The following KIF5A variants were observed in gnomAD, a reference collection of about 807,000 sequenced individuals.
KIF5A encodes kinesin family member 5A.
In KIF5A, 35 loss-of-function variants were observed where a neutral mutation model predicts 141.3. The observed-to-expected ratio is 0.25, with a 90% confidence interval of 0.19 to 0.33. The LOEUF is 0.33. KIF5A is among the 10% of genes least tolerant of loss of function. The pLI is 1.00. For synonymous variants in KIF5A, 448 were observed against 500.2 expected, an observed-to-expected ratio of 0.90 and a Z score of 1.39; for missense variants, 861 against 1,314.3, an observed-to-expected ratio of 0.66 and a Z score of 5.33.
At chr12:57,553,128 C>T (rs967032913) in intron 1 of KIF5A, among the ~76,000 whole-genome samples, 5 of 152,058 alleles carry the variant, frequency 3.3e-5, no homozygotes, top group Non-Finnish European at 5.9e-5. Context: ...GTGACTTTTT[C>T]GCCAGACCCA....
rs1882479489 is a variant in KIF5A at position 57,578,036 on chromosome 12, C to T, written c.2389C>T (p.Leu797Phe). The T allele has an allele frequency of 1.9e-6, 3 of 1,614,208 alleles. No homozygotes were observed. The highest frequency in any genetic ancestry group is 2.5e-6 in the Non-Finnish European group (3 of 1,180,006). ...VARELQTLHN[L>F]RKLFVQDVTT... The stretch of plus-strand genomic sequence containing the variant: ...CCGGGAACTCCAGACCCTCCACAAC[C>T]TTCGCAAGCTGTTCGTTCAAGACGT... The change falls in exon 22 of 29, where the codon CTT (leucine) becomes TTT (phenylalanine). Residue 797 changes from leucine (L) to phenylalanine (F), a missense_variant. Physicochemically the swap from Leu to Phe is conservative, Grantham distance 22. Coordinates refer to ENST00000455537, the MANE Select transcript of KIF5A (RefSeq NM_004984.4).
intron 28 of KIF5A, among the ~76,000 whole-genome samples, chr12:57,583,730 A>G (rs1882676352): frequency 6.6e-6 from 1 of 152,030 alleles, no homozygotes; most frequent in Non-Finnish European, 1.5e-5. Context: ...GCTTTAGGAA[A>G]CGCCCCACGA....
intron 8 of KIF5A, 40 bp downstream of exon 8, chr12:57,567,658 GCT>G: frequency 1.3e-6 from 2 of 1,545,536 alleles, no homozygotes; most frequent in East Asian, 2.3e-5. Flanking sequence ...GGAAGCCTTG[GCT>G]CTTTTTTTTT....
At chr12:57,582,815 C>A in intron 27 of KIF5A, 186 bp downstream of exon 27, 1 of 658,296 alleles carries the variant, frequency 1.5e-6, no homozygotes, top group Non-Finnish European at 2.7e-6. Flanking sequence ...CAGAATATCT[C>A]CCCTCCTCCA....
chr12:57,584,231 C>A lies in KIF5A; in HGVS notation c.*50C>A, dbSNP rs773703870. ...TTTCTTTCCCAGTTTCTAAGAGGGA[C>A]TGAGGCCTCTTCTCAGCATGCTGCA... On this transcript the variant is annotated 3_prime_UTR_variant, in exon 29 of 29. Transcript: ENST00000455537. 6.6e-6 allele frequency: 1 copy of A among 152,636 alleles called. No homozygotes were observed. Among genetic ancestry groups the A allele is most frequent in the Non-Finnish European group, 1.5e-5 (1 of 68,056 alleles). 9.5% of individuals were successfully genotyped at this position (152,636 alleles called of 1,614,324 possible).
At chr12:57,563,100 G>A (rs1286565712) in intron 1 of KIF5A, among the ~76,000 whole-genome samples, 1 of 151,140 alleles carries the variant, frequency 6.6e-6, no homozygotes, top group Non-Finnish European at 1.5e-5. Flanking sequence ...TCTGCCTCTC[G>A]GGTTCAAGCG....
rs1468981472 is a variant in KIF5A at position 57,569,554 on chromosome 12, A to T, written c.988A>T (p.Thr330Ser). The change falls in exon 11 of 29, where the codon ACT becomes TCT. Residue 330 changes from threonine to serine, a missense_variant. By Grantham distance (58) the Thr-to-Ser change is moderately conservative. Transcript: ENST00000455537. ...FGQRAKTIKN[T>S]ASVNLELTAE... Reference sequence around the variant, plus strand: ...ACCCAGGGCAAAGACCATTAAGAACACTGCCTCAGTAAATTTGGAGTTGAC... The same window carrying T: ...ACCCAGGGCAAAGACCATTAAGAACTCTGCCTCAGTAAATTTGGAGTTGAC... 1 of 1,614,158 alleles carries T rather than the reference A, an allele frequency of 6.2e-7. No individual in the cohort carries two copies. Among genetic ancestry groups the T allele is most frequent in the Non-Finnish European group, 8.5e-7 (1 of 1,180,034 alleles).
chr12:57,570,514 T>G (rs761971486), intron 12 of KIF5A, among the ~76,000 whole-genome samples: 22 of 152,194 alleles, frequency 1.4e-4, no homozygotes, highest in Non-Finnish European at 2.8e-4. Flanking sequence ...TTCTCCTGCC[T>G]CAGCCTCCAG....
At chr12:57,574,000 G>A (rs1284463) in intron 15 of KIF5A, among the ~76,000 whole-genome samples, 1 of 148,038 alleles carries the variant, frequency 6.8e-6, no homozygotes, top group South Asian at 2.2e-4. Context: ...GGAGAATGGC[G>A]TGAACCTGGG....
chr12:57,568,971 G>T lies in KIF5A; in HGVS notation c.723G>T (p.Lys241Asn). 6.2e-7 allele frequency: 1 copy of T among 1,613,716 alleles called. No homozygotes were observed. Among genetic ancestry groups the T allele is most frequent in the South Asian group, 1.1e-5 (1 of 91,068 alleles). Residue 241 changes from lysine (K) to asparagine (N), a missense_variant, in exon 9 of 29, where the codon AAG becomes AAT. Physicochemically the swap from Lys to Asn is moderately conservative, Grantham distance 94 (BLOSUM62 0). Transcript: ENST00000455537. ...TCTTACTGCCCTGGTAGGTCAGCAA[G>T]ACTGGAGCAGAGGGAGCCGTGCTGG... ...VDLAGSEKVS[K>N]TGAEGAVLDE...
chr12:57,558,682 A>C (rs986119090), intron 1 of KIF5A, among the ~76,000 whole-genome samples: 2 of 152,258 alleles, frequency 1.3e-5, no homozygotes, highest in Non-Finnish European at 2.9e-5. Flanking sequence ...CTCAAAAAAC[A>C]AAAAGCAAAA....
chr12:57,572,843 C>A lies in KIF5A; in HGVS notation c.1716+117C>A. The A allele has an allele frequency of 8.2e-7, 1 of 1,224,804 alleles. No individual in the cohort carries two copies. 75.9% of individuals were successfully genotyped at this position (1,224,804 alleles called of 1,614,324 possible). On this transcript the variant is annotated intron_variant, in intron 15 of 28. Transcript: ENST00000455537. This position sits in a 1 kb window ranked among gnomAD's most constrained non-coding sequence, Gnocchi z 4.2. The stretch of plus-strand genomic sequence containing the variant: ...GCAGCCAGAGAGCCAGGAAACATGC[C>A]TTTGAACTAGACCCAGGAAGACAGG...
intron 8 of KIF5A, among the ~76,000 whole-genome samples, chr12:57,568,508 C>T (rs1451777784): frequency 6.6e-6 from 1 of 152,006 alleles, no homozygotes; most frequent in Non-Finnish European, 1.5e-5. Context: ...GGTGGATCAC[C>T]TGAGGTCGGG....
At chr12:57,567,031 C>A in intron 6 of KIF5A, 95 bp from the exon 7 acceptor site, 1 of 563,100 alleles carries the variant, frequency 1.8e-6, no homozygotes, top group Non-Finnish European at 2.9e-6. Flanking sequence ...GAGCGAGACT[C>A]CATCTCAAAA....
intron 8 of KIF5A, among the ~76,000 whole-genome samples, chr12:57,568,181 G>A (rs1031275566): frequency 2.0e-5 from 3 of 151,818 alleles, no homozygotes; most frequent in South Asian, 2.1e-4. Context: ...GTGCCCGGCC[G>A]ACTCTTTTTT....
intron 20 of KIF5A, 67 bp downstream of exon 20, chr12:57,576,929 C>A: frequency 1.7e-6 from 2 of 1,169,542 alleles, no homozygotes; most frequent in Non-Finnish European, 2.5e-6. Flanking sequence ...CTCAGACACG[C>A]TTGCAGAGGC....
intron 8 of KIF5A, among the ~76,000 whole-genome samples, chr12:57,567,940 T>C (rs960767958): frequency 2.0e-5 from 3 of 151,340 alleles, no homozygotes; most frequent in African/African-American, 7.3e-5. Context: ...TGGAGTGCAG[T>C]GGCACGCTCT....
In KIF5A at chr12:57,570,109, C is replaced by T. The variant is rs758500897; in HGVS notation, c.1240C>T (p.Arg414Trp). ...CGTGGTGCGCATCGCGCCCGAGGAG[C>T]GGCAGAAATACGAGGAGGAGATCCG... is the stretch of plus-strand genomic sequence containing the variant. ...SIVVRIAPEE[R>W]QKYEEEIRRL... is the part of the protein sequence containing the mutation. The change falls in exon 12 of 29, where the codon CGG (arginine) becomes TGG (tryptophan). Residue 414 changes from arginine (R) to tryptophan (W), a missense_variant. This residue lies in a region of KIF5A where 167 missense variants were observed against 192.0 expected (regional missense o/e 0.87). Coordinates refer to ENST00000455537, the MANE Select transcript of KIF5A (RefSeq NM_004984.4). 4.3e-6 allele frequency: 7 copies of T among 1,614,152 alleles called. No individual in the cohort carries two copies. Among genetic ancestry groups the T allele is most frequent in the East Asian group, 2.2e-5 (1 of 44,880 alleles).
chr12:57,555,646 C>T (rs1160795198), intron 1 of KIF5A, among the ~76,000 whole-genome samples: 1 of 151,584 alleles, frequency 6.6e-6, no homozygotes, highest in African/African-American at 2.4e-5. Flanking sequence ...CACGGTGGCT[C>T]ACGCCTATAA....
Sources: gnomAD v4.1 joint callset for allele counts (sites outside exome capture counted in the v4.1 genomes callset) on GRCh38, gnomAD v4.1.1 for gene constraint, gnomAD v4.1.1 regional missense constraint, Gnocchi (gnomAD v3.1) non-coding constraint, MANE v1.5 for transcripts, NCBI Gene and HGNC (gene_info 2026-07-23, HGNC 2026-07-21) for gene names.